The following CSMD1 variants were observed in gnomAD, a reference collection of about 807,000 sequenced individuals.
CSMD1 encodes CUB and Sushi multiple domains 1.
CSMD1 carries 213 observed loss-of-function variants against 417.5 expected under a neutral mutation model. The observed-to-expected ratio is 0.51, with a 90% CI of 0.46 to 0.57. The LOEUF is 0.57. CSMD1 is among the 20% of genes least tolerant of loss of function. The pLI, the probability that CSMD1 is intolerant of heterozygous loss-of-function variation, is 0.00. For missense variants in CSMD1, 6,923 were observed against 4,529.7 expected, an observed-to-expected ratio of 1.53 and a Z score of -15.17; for synonymous variants, 2,862 against 1,736.8, an observed-to-expected ratio of 1.65 and a Z score of -16.11.
chr8:4,447,289 G>C (rs936648486), intron 2 of CSMD1, among the ~76,000 whole-genome samples: 10 of 152,134 alleles, frequency 6.6e-5, no homozygotes, highest in African/African-American at 2.2e-4. Flanking sequence ...CAAAGTCTGA[G>C]GCAGACCGTG....
intron 7 of CSMD1, among the ~76,000 whole-genome samples, chr8:3,694,727 A>G (rs1283511879): frequency 2.0e-5 from 3 of 151,924 alleles, no homozygotes; most frequent in Admixed American, 6.6e-5. Flanking sequence ...TGGAGGAAGC[A>G]GGTGCCATTC....
chr8:4,854,780 C>T (rs1360115707), intron 1 of CSMD1, among the ~76,000 whole-genome samples: 1 of 152,156 alleles, frequency 6.6e-6, no homozygotes, highest in African/African-American at 2.4e-5. Flanking sequence ...CAGAGTCTCG[C>T]TGATTGCTAG....
chr8:3,113,789 T>C (rs144693618), intron 42 of CSMD1, among the ~76,000 whole-genome samples: 447 of 152,132 alleles, frequency 2.9e-3, no homozygotes, highest in African/African-American at 9.7e-3. Context: ...AACTGGGGGG[T>C]TGGCACACCT....
At chr8:4,657,311 G>A (rs1308262592) in intron 1 of CSMD1, among the ~76,000 whole-genome samples, 1 of 152,196 alleles carries the variant, frequency 6.6e-6, no homozygotes, top group Non-Finnish European at 1.5e-5. Flanking sequence ...GGAGGGCCCA[G>A]CACACAAAGG....
intron 1 of CSMD1, among the ~76,000 whole-genome samples, chr8:4,905,045 C>A (rs571399939): frequency 6.6e-6 from 1 of 152,138 alleles, no homozygotes; most frequent in Non-Finnish European, 1.5e-5. Flanking sequence ...TAGCTGGGAC[C>A]TTCTGAAGCT....
At chr8:4,777,099 A>C (rs1796892052) in intron 1 of CSMD1, among the ~76,000 whole-genome samples, 1 of 152,194 alleles carries the variant, frequency 6.6e-6, no homozygotes. Flanking sequence ...GTCCTTGGTA[A>C]TAATGCTGCC....
In CSMD1 at chr8:2,974,695, T is replaced by A. The variant is rs674167; in HGVS notation, c.8567-71A>T. The A allele has an allele frequency of 6.1e-6, 7 of 1,155,216 alleles. No individual in the cohort carries two copies. In the African/African-American group the frequency reaches 1.1e-4, roughly 18 times the overall value. The allele number at this position is 1,155,216 out of a possible 1,614,324, so 71.6% of individuals were successfully genotyped here. Reference sequence around the variant, plus strand: ...CCACTTTGTATTGGAAAATCTCCCATACAGACACCCATACTGACATCATGT... The same window carrying A: ...CCACTTTGTATTGGAAAATCTCCCAAACAGACACCCATACTGACATCATGT... On this transcript the variant is annotated intron_variant, in intron 55 of 69. Coordinates refer to ENST00000635120, the MANE Select transcript of CSMD1 (RefSeq NM_033225.6).
intron 5 of CSMD1, among the ~76,000 whole-genome samples, chr8:3,950,893 C>G (rs936868535): frequency 6.6e-6 from 1 of 151,904 alleles, no homozygotes; most frequent in Non-Finnish European, 1.5e-5. Flanking sequence ...TCAAAGAATA[C>G]TTAATAAAAA....
At chr8:3,110,404 G>C (rs1399959381) in intron 42 of CSMD1, 69 bp from the exon 43 acceptor site, 4 of 1,321,610 alleles carry the variant, frequency 3.0e-6, no homozygotes, top group Non-Finnish European at 3.0e-6. Flanking sequence ...CTAAATATTT[G>C]ACTCCAAAGT....
intron 7 of CSMD1, among the ~76,000 whole-genome samples, chr8:3,632,328 T>A (rs752755418): frequency 1.3e-5 from 2 of 152,162 alleles, no homozygotes; most frequent in African/African-American, 4.8e-5. Context: ...TTCGCCTTCT[T>A]GGACCTTCAG....
At chr8:4,563,191 G>T (rs889221901) in intron 2 of CSMD1, among the ~76,000 whole-genome samples, 1 of 152,108 alleles carries the variant, frequency 6.6e-6, no homozygotes, top group Non-Finnish European at 1.5e-5. Context: ...CACGAGGTCA[G>T]GAGATTGAGA....
chr8:3,031,777 C>G (rs544940347), intron 50 of CSMD1, among the ~76,000 whole-genome samples: 33 of 151,516 alleles, frequency 2.2e-4, no homozygotes, highest in Non-Finnish European at 3.7e-4. Context: ...TTTCCAAGTT[C>G]TTCATGATGA....
intron 18 of CSMD1, among the ~76,000 whole-genome samples, chr8:3,378,325 G>C (rs1026779127): frequency 6.6e-6 from 1 of 152,162 alleles, no homozygotes; most frequent in Admixed American, 6.5e-5. Flanking sequence ...GAAGTACAAA[G>C]AGGAGCTGGT....
rs555281421 is a variant in CSMD1, at chr8:4,673,726, C to T, written c.86-36168G>A. Among the ~76,000 whole-genome samples, 92 of 152,186 alleles carry T rather than the reference C, an allele frequency of 6.0e-4. 1 individual carries two copies. Among genetic ancestry groups the T allele is most frequent in the African/African-American group, 1.8e-3 (76 of 41,518 alleles). ...CCACAGCTGGTCAATTAAATCTTGA[C>T]GACATAATGCTAAGTGTAAGAAGCC... On this transcript the variant is annotated intron_variant, in intron 1 of 69. Transcript: ENST00000635120.
chr8:4,247,867 A>G (rs1012578458), intron 3 of CSMD1, among the ~76,000 whole-genome samples: 1 of 152,180 alleles, frequency 6.6e-6, no homozygotes, highest in Non-Finnish European at 1.5e-5. Flanking sequence ...TTATAGAAAT[A>G]CAATGTACAA....
chr8:3,044,513 C>T (rs902185414), intron 50 of CSMD1, among the ~76,000 whole-genome samples: 2 of 152,120 alleles, frequency 1.3e-5, no homozygotes, highest in Non-Finnish European at 2.9e-5. Context: ...CATCTTTCAT[C>T]ATTTTGTCAG....
intron 67 of CSMD1, among the ~76,000 whole-genome samples, chr8:2,949,732 C>T (rs1305766972): frequency 1.2e-4 from 18 of 152,118 alleles, no homozygotes; most frequent in Non-Finnish European, 1.6e-4. Context: ...CACTTTGTGT[C>T]CCAGCTATTG....
rs187520049 is a variant in CSMD1 at position 3,334,192 on chromosome 8, T to C, written c.3631+9102A>G. 2.8e-3 allele frequency among the ~76,000 whole-genome samples: 431 copies of C among 152,270 alleles called. 1 individual carries two copies. The highest frequency in any genetic ancestry group is 1.0e-2 in the African/African-American group (415 of 41,550). ...CTTTTCAAGGTATCAGTCAATCCTA[T>C]AAAGAAAGCATTATCTCTCTTGATC... On this transcript the variant is annotated intron_variant, in intron 23 of 69. Coordinates refer to ENST00000635120, the MANE Select transcript of CSMD1 (RefSeq NM_033225.6).
intron 1 of CSMD1, among the ~76,000 whole-genome samples, chr8:4,932,971 G>A (rs558876207): frequency 2.6e-5 from 4 of 152,264 alleles, no homozygotes; most frequent in Admixed American, 6.5e-5. Flanking sequence ...TGCAGGAATT[G>A]AAGATGGGAT....
Sources: allele counts gnomAD v4.1 joint callset (sites outside exome capture counted in the v4.1 genomes callset), GRCh38; gene constraint gnomAD v4.1.1; transcripts MANE v1.5; gene names NCBI Gene and HGNC (gene_info 2026-07-23, HGNC 2026-07-21).